IL1RAPL1: variants seen among roughly 807,000 people sequenced by gnomAD.
IL1RAPL1 encodes the protein interleukin 1 receptor accessory protein like 1.
Under a neutral mutation model 48.4 loss-of-function variants are expected in IL1RAPL1, and 3 were observed. The ratio of observed to expected loss-of-function variants is 0.06; its 90% CI spans 0.03 to 0.16. The LOEUF (loss-of-function observed/expected upper bound fraction) is 0.16, where lower values mean the gene tolerates loss of function less well. IL1RAPL1 is among the 10% of genes least tolerant of loss of function. The probability of loss-of-function intolerance (pLI) is 1.00; values close to 1 mark genes in which losing one functional copy is unlikely to be tolerated. For missense variants in IL1RAPL1, 349 were observed against 530.6 expected (o/e 0.66, Z 3.36); for synonymous variants, 185 against 187.7 (o/e 0.99, Z 0.12).
intron 2 of IL1RAPL1, among the ~76,000 whole-genome samples, chrX:28,841,813 A>G (rs916078055): frequency 1.8e-5 from 2 of 111,297 alleles, no homozygotes; most frequent in East Asian, 5.6e-4. Context: ...ATTATTTAAG[A>G]GTTAAAATTA....
intron 1 of IL1RAPL1, among the ~76,000 whole-genome samples, chrX:28,752,965 A>G (rs751840866): frequency 8.9e-5 from 10 of 112,541 alleles, no homozygotes; most frequent in Non-Finnish European, 1.9e-4. Context: ...TCTCTTAGGC[A>G]TCTTTATATT....
intron 5 of IL1RAPL1, among the ~76,000 whole-genome samples, chrX:29,649,123 C>T (rs1354954463): frequency 9.0e-6 from 1 of 111,361 alleles, no homozygotes; most frequent in Non-Finnish European, 1.9e-5. Context: ...AATAGAAAGT[C>T]TCCCATCAAA....
intron 2 of IL1RAPL1, among the ~76,000 whole-genome samples, chrX:29,237,891 G>A (rs2147562315): frequency 8.9e-6 from 1 of 112,280 alleles, no homozygotes; most frequent in African/African-American, 3.2e-5. Flanking sequence ...TTTTTTAATT[G>A]CATAAAATAA....
chrX:28,985,784 C>A (rs750748715), intron 2 of IL1RAPL1, among the ~76,000 whole-genome samples: 1 of 108,870 alleles, frequency 9.2e-6, no homozygotes, highest in African/African-American at 3.4e-5. Flanking sequence ...CTCAGCCTCC[C>A]GAGTAGCTGG....
intron 6 of IL1RAPL1, among the ~76,000 whole-genome samples, chrX:29,791,203 T>C (rs1184891818): frequency 9.0e-6 from 1 of 110,627 alleles, no homozygotes; most frequent in Non-Finnish European, 1.9e-5. Context: ...TTTATTTATT[T>C]GTTTGCTTCT....
intron 1 of IL1RAPL1, among the ~76,000 whole-genome samples, chrX:28,626,309 G>A: frequency 8.9e-6 from 1 of 112,096 alleles, no homozygotes; most frequent in East Asian, 2.8e-4. Flanking sequence ...TAAACATAAA[G>A]AAAAGCTAGA....
chrX:29,744,784 G>A (rs1441433341), intron 6 of IL1RAPL1, among the ~76,000 whole-genome samples: 6 of 112,190 alleles, frequency 5.3e-5, no homozygotes, highest in African/African-American at 1.3e-4. Flanking sequence ...AAATCTGACA[G>A]TATTTCTTGA....
chrX:28,816,381 A>G (rs1180014830), intron 2 of IL1RAPL1, among the ~76,000 whole-genome samples: 1 of 110,056 alleles, frequency 9.1e-6, no homozygotes, highest in Non-Finnish European at 1.9e-5. Context: ...TTAGTTTTTA[A>G]CACTTGCCCT....
intron 2 of IL1RAPL1, among the ~76,000 whole-genome samples, chrX:28,971,549 A>G (rs1925071049): frequency 8.9e-6 from 1 of 112,129 alleles, no homozygotes; most frequent in African/African-American, 3.2e-5. Context: ...TAATCAATGC[A>G]TGGCTGTGTT....
intron 5 of IL1RAPL1, among the ~76,000 whole-genome samples, chrX:29,509,532 A>T (rs929547777): frequency 8.9e-6 from 1 of 112,501 alleles, no homozygotes; most frequent in African/African-American, 3.2e-5. Flanking sequence ...TACAATTGAG[A>T]AATGATGGAA....
intron 5 of IL1RAPL1, among the ~76,000 whole-genome samples, chrX:29,628,946 A>G (rs2031326863): frequency 1.8e-5 from 2 of 112,298 alleles, no homozygotes; most frequent in Non-Finnish European, 3.8e-5. Flanking sequence ...GGTTGTGCCT[A>G]GACTTGTAAT....
intron 5 of IL1RAPL1, among the ~76,000 whole-genome samples, chrX:29,417,413 A>G (rs1484077855): frequency 8.9e-6 from 1 of 112,115 alleles, no homozygotes; most frequent in Non-Finnish European, 1.9e-5. Flanking sequence ...TGGAGGACCT[A>G]AAAATCCAAT....
intron 1 of IL1RAPL1, among the ~76,000 whole-genome samples, chrX:28,731,691 A>T (rs185464732): frequency 9.0e-6 from 1 of 111,586 alleles, no homozygotes; most frequent in Non-Finnish European, 1.9e-5. Context: ...AGTTGAGAAG[A>T]TCAGAATACT....
At chrX:29,280,042 A>C (rs1255061751) in intron 2 of IL1RAPL1, among the ~76,000 whole-genome samples, 1 of 112,252 alleles carries the variant, frequency 8.9e-6, no homozygotes, top group African/African-American at 3.2e-5. Context: ...TCCATGACAG[A>C]TAGTCAGTTA....
intron 2 of IL1RAPL1, among the ~76,000 whole-genome samples, chrX:28,966,611 A>G (rs1256372890): frequency 1.8e-5 from 2 of 112,015 alleles, no homozygotes; most frequent in Non-Finnish European, 1.9e-5. Context: ...AGTATTGTAT[A>G]TAAAGAACTT....
chrX:28,913,235 G>A (rs1569198655), intron 2 of IL1RAPL1, among the ~76,000 whole-genome samples: 2 of 111,783 alleles, frequency 1.8e-5, no homozygotes, highest in Admixed American at 1.9e-4. Flanking sequence ...TTTCACATTA[G>A]AATGGAGAAT....
chrX:29,248,012 T>C (rs1369090398), intron 2 of IL1RAPL1, among the ~76,000 whole-genome samples: 3 of 111,687 alleles, frequency 2.7e-5, no homozygotes, highest in African/African-American at 9.8e-5. Context: ...ATATTGTAGA[T>C]AACCTTGTGG....
At chrX:28,771,300 C>G (rs1936304318) in intron 1 of IL1RAPL1, among the ~76,000 whole-genome samples, 1 of 112,116 alleles carries the variant, frequency 8.9e-6, no homozygotes, top group Non-Finnish European at 1.9e-5. Context: ...TAATTAGAAT[C>G]TGCAGCTTTT....
chrX:29,367,890 T>C (rs1292979839), intron 3 of IL1RAPL1, among the ~76,000 whole-genome samples: 1 of 109,810 alleles, frequency 9.1e-6, no homozygotes, highest in East Asian at 2.8e-4. Context: ...CACTTATTAA[T>C]AGAGGACTAA....
Sources: gnomAD v4.1 joint callset for allele counts (sites outside exome capture counted in the v4.1 genomes callset) on GRCh38, gnomAD v4.1.1 for gene constraint, MANE v1.5 for transcripts, NCBI Gene and HGNC (gene_info 2026-07-23, HGNC 2026-07-21) for gene names.